Variants in NOVA1 observed in about 807,000 individuals in gnomAD.
NOVA1 encodes the protein RNA-binding protein Nova-1.
NOVA1 carries 7 observed loss-of-function variants against 38.0 expected under a neutral mutation model. The observed-to-expected ratio is 0.18, with a 90% CI of 0.10 to 0.35. NOVA1 has a LOEUF of 0.35. Among genes scored for constraint, NOVA1 ranks in the 10% least tolerant of loss-of-function variants. NOVA1 has a pLI of 1.00. For missense variants in NOVA1, 460 were observed against 616.0 expected (o/e 0.75, Z 2.68); for synonymous variants, 270 against 232.5 (o/e 1.16, Z -1.47).
chr14:26,502,453 A>G (rs940747202), intron 2 of NOVA1, among the ~76,000 whole-genome samples: 2 of 151,904 alleles, frequency 1.3e-5, no homozygotes, highest in Non-Finnish European at 2.9e-5. Context: ...TTAAATATAC[A>G]ACAGTTAGAA....
intron 2 of NOVA1, among the ~76,000 whole-genome samples, chr14:26,574,961 G>C (rs1205501459): frequency 6.6e-6 from 1 of 152,160 alleles, no homozygotes; most frequent in Non-Finnish European, 1.5e-5. Flanking sequence ...ACTGAGCCCA[G>C]CCTATACTGT....
At chr14:26,455,066 T>C (rs957911827) in intron 4 of NOVA1, among the ~76,000 whole-genome samples, 2 of 152,188 alleles carry the variant, frequency 1.3e-5, no homozygotes, top group Non-Finnish European at 2.9e-5. Flanking sequence ...AATAGAAGTA[T>C]CCAAAAGAAT....
intron 2 of NOVA1, among the ~76,000 whole-genome samples, chr14:26,544,563 G>A (rs1373277259): frequency 1.3e-5 from 2 of 151,806 alleles, no homozygotes; most frequent in African/African-American, 4.8e-5. Flanking sequence ...TTTGAGCAAG[G>A]TTGATGTAGA....
intron 2 of NOVA1, among the ~76,000 whole-genome samples, chr14:26,514,881 T>G (rs1343516794): frequency 6.6e-6 from 1 of 151,910 alleles, no homozygotes; most frequent in East Asian, 1.9e-4. Context: ...GTCCTTACCT[T>G]CAAAGTAAAC....
intron 4 of NOVA1, among the ~76,000 whole-genome samples, chr14:26,454,350 T>A (rs531035210): frequency 6.6e-6 from 1 of 152,120 alleles, no homozygotes; most frequent in Admixed American, 6.5e-5. Context: ...TGACGCAGGA[T>A]GGCCAAACAA....
chr14:26,589,954 C>T (rs755423915), intron 2 of NOVA1, among the ~76,000 whole-genome samples: 2 of 151,790 alleles, frequency 1.3e-5, no homozygotes, highest in South Asian at 2.1e-4. Context: ...TTGCATGTTG[C>T]GTTTTATACC....
chr14:26,534,448 AAAG>A (rs1889933717), intron 2 of NOVA1, among the ~76,000 whole-genome samples: 1 of 152,206 alleles, frequency 6.6e-6, no homozygotes, highest in South Asian at 2.1e-4. Context: ...ATTAAAATTG[AAAG>A]AAGTAATAAA....
intron 2 of NOVA1, among the ~76,000 whole-genome samples, chr14:26,484,601 T>C (rs149417888): frequency 1.1e-4 from 17 of 152,268 alleles, no homozygotes; most frequent in African/African-American, 4.1e-4. Context: ...GTTTTATAGA[T>C]ACTCTCTTTC....
rs1804217329 is a variant in NOVA1, at chr14:26,443,870, A to G, written c.*4089T>C. ...AGCCATGCTTGCCCTGTATTTAATGAGTGATGAATATTTCTCCTACTAACA... is the reference window on the plus strand; with the variant it reads ...AGCCATGCTTGCCCTGTATTTAATGGGTGATGAATATTTCTCCTACTAACA... On this transcript the variant is annotated 3_prime_UTR_variant, in exon 5 of 5. Transcript: ENST00000539517. 2 of 151,946 alleles carry G rather than the reference A, an allele frequency of 1.3e-5. No individual in the cohort carries two copies. Among genetic ancestry groups the G allele is most frequent in the Admixed American group, 1.3e-4 (2 of 15,230 alleles). 9.4% of individuals were successfully genotyped at this position (151,946 alleles called of 1,614,324 possible).
At chr14:26,547,230 C>A (rs1890847984) in intron 2 of NOVA1, among the ~76,000 whole-genome samples, 1 of 151,974 alleles carries the variant, frequency 6.6e-6, no homozygotes, top group African/African-American at 2.4e-5. Context: ...CAATTCTGGC[C>A]TTTCACAGTA....
chr14:26,560,566 T>G (rs181107360), intron 2 of NOVA1, among the ~76,000 whole-genome samples: 1 of 152,308 alleles, frequency 6.6e-6, no homozygotes, highest in Admixed American at 6.5e-5. Flanking sequence ...TATCAGATTT[T>G]GTATAAAATT....
chr14:26,450,912 G>A (rs548555220), intron 4 of NOVA1, among the ~76,000 whole-genome samples: 19 of 151,878 alleles, frequency 1.3e-4, no homozygotes, highest in Non-Finnish European at 2.8e-4. Flanking sequence ...AAAACATCAC[G>A]GACTGGCAAA....
rs538160327 is a variant in NOVA1, at chr14:26,447,280, T to A, written c.*679A>T. The A allele has an allele frequency of 3.3e-5, 5 of 152,902 alleles. No individual in the cohort carries two copies. The East Asian group carries it at 9.6e-4, about 30-fold the overall frequency. The allele number at this position is 152,902 out of a possible 1,614,324, so 9.5% of individuals were successfully genotyped here. ...AGGTGGGACTCCATGTGAGAACTTTTGTTGAACTTACAAATGATGAAGAAT... is the reference window on the plus strand; with the variant it reads ...AGGTGGGACTCCATGTGAGAACTTTAGTTGAACTTACAAATGATGAAGAAT... On this transcript the variant is annotated 3_prime_UTR_variant, in exon 5 of 5. Transcript: ENST00000539517.
chr14:26,534,442 A>C (rs889674851), intron 2 of NOVA1, among the ~76,000 whole-genome samples: 1 of 152,182 alleles, frequency 6.6e-6, no homozygotes, highest in Non-Finnish European at 1.5e-5. Context: ...ATTTGCATTA[A>C]AATTGAAAGA....
chr14:26,548,463 C>T (rs1890954185), intron 2 of NOVA1, among the ~76,000 whole-genome samples: 1 of 151,846 alleles, frequency 6.6e-6, no homozygotes, highest in African/African-American at 2.4e-5. Context: ...ATGATTAAGA[C>T]TCTGTGAAGT....
chr14:26,511,717 A>G (rs1888107925), intron 2 of NOVA1, among the ~76,000 whole-genome samples: 1 of 151,824 alleles, frequency 6.6e-6, no homozygotes, highest in Admixed American at 6.6e-5. Context: ...GCGCCACTGC[A>G]CTCCAGCCTG....
At chr14:26,493,399 T>C (rs964407195) in intron 2 of NOVA1, among the ~76,000 whole-genome samples, 2 of 152,200 alleles carry the variant, frequency 1.3e-5, no homozygotes, top group African/African-American at 4.8e-5. Context: ...TTAATTCCAA[T>C]TCTTCTTTCA....
chr14:26,548,810 G>A (rs1466332158), intron 2 of NOVA1, among the ~76,000 whole-genome samples: 14 of 148,574 alleles, frequency 9.4e-5, no homozygotes, highest in Non-Finnish European at 7.4e-5. Context: ...AAATGTTAAA[G>A]AAAAAAAAAA....
At chr14:26,515,994 T>C (rs954960319) in intron 2 of NOVA1, among the ~76,000 whole-genome samples, 1 of 152,128 alleles carries the variant, frequency 6.6e-6, no homozygotes, top group African/African-American at 2.4e-5. Context: ...TCTAAAGTTA[T>C]TTTATCCACT....
Sources: gnomAD v4.1 joint callset for allele counts (sites outside exome capture counted in the v4.1 genomes callset) on GRCh38, gnomAD v4.1.1 for gene constraint, MANE v1.5 for transcripts, NCBI Gene and HGNC (gene_info 2026-07-23, HGNC 2026-07-21) for gene names.